Variants in HTRA1 observed in about 807,000 individuals in gnomAD.
HTRA1 encodes serine protease HTRA1.
Under a neutral mutation model 49.7 loss-of-function variants are expected in HTRA1, and 26 were observed. The observed-to-expected ratio is 0.52, with a 90% confidence interval of 0.38 to 0.73. HTRA1 has a LOEUF of 0.73. HTRA1 is among the 30% of genes least tolerant of loss of function. The pLI is 0.00. For synonymous variants in HTRA1, 291 were observed against 286.9 expected (o/e 1.01, Z -0.14); for missense variants, 561 against 667.2 (o/e 0.84, Z 1.75).
intron 3 of HTRA1, among the ~76,000 whole-genome samples, chr10:122,502,035 C>T (rs113006019): frequency 1.3e-3 from 151 of 112,090 alleles, no homozygotes; most frequent in African/African-American, 5.3e-3. Flanking sequence ...TACACACAAA[C>T]TATTTTTAGT....
intron 1 of HTRA1, among the ~76,000 whole-genome samples, chr10:122,476,538 G>A (rs923282003): frequency 6.6e-6 from 1 of 152,182 alleles, no homozygotes; most frequent in Admixed American, 6.5e-5. Context: ...TCAGTGGCGG[G>A]GACCCTGCAT....
intron 3 of HTRA1, among the ~76,000 whole-genome samples, chr10:122,501,813 C>T (rs146927799): frequency 1.7e-3 from 259 of 152,016 alleles, no homozygotes; most frequent in African/African-American, 5.5e-3. Flanking sequence ...TGGTGGTGGC[C>T]GTCTTGTGGC....
intron 3 of HTRA1, among the ~76,000 whole-genome samples, chr10:122,500,713 G>A (rs907063296): frequency 6.6e-5 from 10 of 152,138 alleles, no homozygotes; most frequent in African/African-American, 2.4e-4. Context: ...CCTGAGGCGC[G>A]CTGTCAACCT....
Position 122,508,751 on chromosome 10 carries a change from C to G in HTRA1, c.1101C>G (p.Ser367=). Reference sequence around the variant, plus strand: ...AGATTAAAAAGTTCCTCACGGAGTCCCATGACCGACAGGCCAAAGGTAGGC... The same window carrying G: ...AGATTAAAAAGTTCCTCACGGAGTCGCATGACCGACAGGCCAAAGGTAGGC... ...SDKIKKFLTE[S]HDRQAKGKAI... is the part of the protein sequence containing the mutation. Residue 367 remains serine (S), a synonymous_variant, in exon 6 of 9, where the codon TCC becomes TCG. Transcript: ENST00000368984. 1 of 1,611,236 alleles carries G rather than the reference C, an allele frequency of 6.2e-7. No individual in the cohort carries two copies. The highest frequency in any genetic ancestry group is 8.5e-7 in the Non-Finnish European group (1 of 1,177,376).
At chr10:122,489,390 C>T (rs575330358) in intron 2 of HTRA1, 32 bp from the exon 3 acceptor site, 3 of 1,595,706 alleles carry the variant, frequency 1.9e-6, no homozygotes, top group African/African-American at 1.3e-5. Flanking sequence ...TAAGGTGCTA[C>T]AGGCTTAAGT....
chr10:122,503,535 C>T (rs1009340193), intron 3 of HTRA1, among the ~76,000 whole-genome samples: 9 of 152,220 alleles, frequency 5.9e-5, no homozygotes, highest in African/African-American at 2.2e-4. Context: ...CATTCCCTTG[C>T]AAAGATTTCT....
chr10:122,476,964 CTTT>C (rs36120668), intron 1 of HTRA1, among the ~76,000 whole-genome samples: 3 of 104,014 alleles, frequency 2.9e-5, no homozygotes, highest in African/African-American at 7.9e-5. Flanking sequence ...TTTATAGTTA[CTTT>C]TTTTTTTTTT....
Position 122,512,159 on chromosome 10 carries a change from G to C in HTRA1, c.1274+94G>C, listed in dbSNP as rs914144614. On this transcript the variant is annotated intron_variant, in intron 8 of 8. Coordinates refer to ENST00000368984, the MANE Select transcript of HTRA1 (RefSeq NM_002775.5). ...GCGCTGTTCCTTTTCTACTGGCTCAGATGATTATGTTGATCCTTGACAGAC... is the reference window on the plus strand; with the variant it reads ...GCGCTGTTCCTTTTCTACTGGCTCACATGATTATGTTGATCCTTGACAGAC... 8.7e-6 allele frequency: 8 copies of C among 923,190 alleles called. No homozygotes were observed. In the African/African-American group the frequency reaches 9.7e-5, roughly 11 times the overall value. 57.2% of individuals were successfully genotyped at this position (923,190 alleles called of 1,614,324 possible).
At chr10:122,486,917 C>T (rs999864786) in intron 1 of HTRA1, among the ~76,000 whole-genome samples, 1 of 151,576 alleles carries the variant, frequency 6.6e-6, no homozygotes, top group Non-Finnish European at 1.5e-5. Flanking sequence ...TATGCATGTA[C>T]ATCTGTGGGT....
chr10:122,513,628 C>A (rs2097506589), intron 8 of HTRA1, among the ~76,000 whole-genome samples: 1 of 65,996 alleles, frequency 1.5e-5, no homozygotes. Flanking sequence ...GACCCCATCT[C>A]AAAAAAAAAA....
chr10:122,513,545 C>T (rs370721432), intron 8 of HTRA1, among the ~76,000 whole-genome samples: 3 of 149,306 alleles, frequency 2.0e-5, no homozygotes, highest in East Asian at 2.0e-4. Context: ...CATGTAATCC[C>T]AGCTACTCAG....
intron 1 of HTRA1, among the ~76,000 whole-genome samples, chr10:122,472,266 C>T (rs1389337193): frequency 2.0e-5 from 3 of 151,506 alleles, no homozygotes; most frequent in African/African-American, 7.3e-5. Context: ...ATTGTACTAT[C>T]TCAGTTGTTT....
intron 1 of HTRA1, among the ~76,000 whole-genome samples, chr10:122,465,680 G>C (rs1032292746): frequency 6.6e-6 from 1 of 152,196 alleles, no homozygotes; most frequent in Non-Finnish European, 1.5e-5. Context: ...GGAGCCTGAA[G>C]ACAAGGTTGC....
intron 1 of HTRA1, among the ~76,000 whole-genome samples, chr10:122,470,167 A>T (rs1253626656): frequency 2.0e-5 from 3 of 152,146 alleles, no homozygotes; most frequent in African/African-American, 7.2e-5. Flanking sequence ...CCTGAAAGAG[A>T]AGTGTTGACG....
At chr10:122,468,381 C>A (rs900033285) in intron 1 of HTRA1, among the ~76,000 whole-genome samples, 3 of 150,294 alleles carry the variant, frequency 2.0e-5, no homozygotes, top group Non-Finnish European at 3.0e-5. Flanking sequence ...AGAACTCAGG[C>A]AATATTAGCG....
At chr10:122,486,421 A>G (rs1017143119) in intron 1 of HTRA1, among the ~76,000 whole-genome samples, 15 of 152,214 alleles carry the variant, frequency 9.9e-5, no homozygotes, top group African/African-American at 2.9e-4. Flanking sequence ...AAACCATGCT[A>G]TGTAAAAGGA....
intron 1 of HTRA1, among the ~76,000 whole-genome samples, chr10:122,471,282 C>T (rs140667086): frequency 7.9e-5 from 12 of 152,206 alleles, no homozygotes; most frequent in East Asian, 5.8e-4. Flanking sequence ...TAGCAGAAGA[C>T]GCACAGGAGG....
intron 1 of HTRA1, among the ~76,000 whole-genome samples, chr10:122,486,531 C>T (rs754147802): frequency 2.6e-5 from 4 of 152,126 alleles, no homozygotes; most frequent in African/African-American, 4.8e-5. Context: ...AGAAAGCAAG[C>T]GTGGGAGAGG....
At chr10:122,467,114 G>A (rs2284665) in intron 1 of HTRA1, among the ~76,000 whole-genome samples, 3 of 152,116 alleles carry the variant, frequency 2.0e-5, no homozygotes, top group Admixed American at 6.5e-5. Flanking sequence ...TGGATTCTCC[G>A]TTTGGAGCTG....
Sources: gnomAD v4.1 joint callset for allele counts (sites outside exome capture counted in the v4.1 genomes callset) on GRCh38, gnomAD v4.1.1 for gene constraint, MANE v1.5 for transcripts, NCBI Gene and HGNC (gene_info 2026-07-23, HGNC 2026-07-21) for gene names.